Variants in NPAS3 observed in about 807,000 individuals in gnomAD.
NPAS3 encodes neuronal PAS domain-containing protein 3.
In NPAS3, 14 loss-of-function variants were observed where a neutral mutation model predicts 73.1. That is an observed-to-expected ratio of 0.19 (90% CI 0.13 to 0.30). The LOEUF is 0.30. Among genes scored for constraint, NPAS3 ranks in the 10% least tolerant of loss-of-function variants. NPAS3 has a pLI of 1.00. For synonymous variants in NPAS3, 620 were observed against 541.5 expected (o/e 1.14, Z -2.01); for missense variants, 1,096 against 1,250.0 (o/e 0.88, Z 1.86).
chr14:33,410,011 G>C (rs1431168667), intron 4 of NPAS3, among the ~76,000 whole-genome samples: 1 of 152,100 alleles, frequency 6.6e-6, no homozygotes, highest in African/African-American at 2.4e-5. Context: ...CCTCTTTGTA[G>C]CTCTAACATT....
chr14:33,663,635 G>C (rs1294462530), intron 5 of NPAS3, among the ~76,000 whole-genome samples: 1 of 152,122 alleles, frequency 6.6e-6, no homozygotes, highest in Non-Finnish European at 1.5e-5. Flanking sequence ...GCTCCTCTTT[G>C]TACCTCTGGT....
Position 33,697,394 on chromosome 14 carries a change from T to C in NPAS3, c.733+21009T>C, listed in dbSNP as rs905760517. Among the ~76,000 whole-genome samples the C allele has an allele frequency of 3.9e-5, 6 of 152,332 alleles. No homozygotes were observed. The South Asian group carries it at 1.2e-3, about 32-fold the overall frequency. Reference sequence around the variant, plus strand: ...TGTTCTTGATTAGGATGATCACAAGTTAAGCTGAACCGGTTTTGAATGATT... The same window carrying C: ...TGTTCTTGATTAGGATGATCACAAGCTAAGCTGAACCGGTTTTGAATGATT... On this transcript the variant is annotated intron_variant, in intron 6 of 11. Coordinates refer to ENST00000356141, the Ensembl canonical transcript of NPAS3.
intron 4 of NPAS3, among the ~76,000 whole-genome samples, chr14:33,471,779 C>T (rs770561778): frequency 3.9e-5 from 6 of 152,194 alleles, no homozygotes; most frequent in African/African-American, 4.8e-5. Flanking sequence ...GGTACTGGTC[C>T]GTGACCCATT....
At chr14:33,583,695 A>G (rs80113251) in intron 5 of NPAS3, among the ~76,000 whole-genome samples, 3,834 of 152,304 alleles carry the variant, frequency 0.025, 163 homozygotes, top group African/African-American at 0.087. Context: ...AAACTTAAAG[A>G]TTTTAAAGAG....
chr14:33,705,462 C>T (rs998559821), intron 6 of NPAS3, among the ~76,000 whole-genome samples: 11 of 152,318 alleles, frequency 7.2e-5, no homozygotes, highest in African/African-American at 2.6e-4. Context: ...TGAATTTATC[C>T]TTTCCGCATT....
chr14:33,533,762 C>T (rs369366845), intron 4 of NPAS3, among the ~76,000 whole-genome samples: 13 of 151,986 alleles, frequency 8.6e-5, no homozygotes, highest in African/African-American at 2.9e-4. Context: ...TATGTGGTGA[C>T]GTGAAAAGAG....
chr14:33,606,216 T>TC (rs1287487633), intron 5 of NPAS3, among the ~76,000 whole-genome samples: 4 of 73,742 alleles, frequency 5.4e-5, no homozygotes, highest in Admixed American at 1.7e-4. Flanking sequence ...AAGCTATCCC[T>TC]CCCCCCCTCC....
At chr14:33,780,182 G>A (rs1161380869) in intron 9 of NPAS3, among the ~76,000 whole-genome samples, 4 of 152,204 alleles carry the variant, frequency 2.6e-5, no homozygotes, top group East Asian at 1.9e-4. Context: ...CTCCCAACAC[G>A]GAGTGTGTGT....
chr14:33,367,833 GA>G (rs1315302694), intron 4 of NPAS3, among the ~76,000 whole-genome samples: 1 of 152,100 alleles, frequency 6.6e-6, no homozygotes, highest in Admixed American at 6.6e-5. Flanking sequence ...TGAACTTCAT[GA>G]AAAATAAATG....
chr14:33,627,166 C>A (rs2058245464), intron 5 of NPAS3, among the ~76,000 whole-genome samples: 1 of 152,020 alleles, frequency 6.6e-6, no homozygotes, highest in African/African-American at 2.4e-5. Flanking sequence ...CAATAAGATC[C>A]ATGGGAATCC....
intron 3 of NPAS3, among the ~76,000 whole-genome samples, chr14:33,308,148 C>G (rs2042833860): frequency 6.6e-6 from 1 of 152,104 alleles, no homozygotes; most frequent in South Asian, 2.1e-4. Flanking sequence ...ACCAGTGCCT[C>G]TCTCCCGCTG....
At chr14:33,548,335 T>G (rs191910030) in intron 4 of NPAS3, among the ~76,000 whole-genome samples, 5 of 152,352 alleles carry the variant, frequency 3.3e-5, no homozygotes, top group Admixed American at 2.0e-4. Flanking sequence ...TAAATTATTT[T>G]TGTTCTAACA....
At chr14:33,650,380 A>G (rs140782922) in intron 5 of NPAS3, among the ~76,000 whole-genome samples, 126 of 152,284 alleles carry the variant, frequency 8.3e-4, no homozygotes, top group East Asian at 1.7e-3. Context: ...CCCAGATGTA[A>G]ATCAGCCTTT....
chr14:33,114,819 G>T (rs1483886222), intron 2 of NPAS3, among the ~76,000 whole-genome samples: 1 of 152,114 alleles, frequency 6.6e-6, no homozygotes, highest in Non-Finnish European at 1.5e-5. Context: ...TGTAAAAGAA[G>T]TCTCAACAAT....
At chr14:33,683,753 T>C (rs2060008031) in intron 6 of NPAS3, among the ~76,000 whole-genome samples, 1 of 152,228 alleles carries the variant, frequency 6.6e-6, no homozygotes, top group South Asian at 2.1e-4. Flanking sequence ...GGGAAAATAC[T>C]GGAAATATTG....
chr14:33,202,366 G>T (rs1320779681), intron 2 of NPAS3, among the ~76,000 whole-genome samples: 2 of 151,964 alleles, frequency 1.3e-5, no homozygotes, highest in Non-Finnish European at 2.9e-5. Flanking sequence ...TGGCACCACT[G>T]CACTCCAGCC....
chr14:33,330,387 C>T (rs754690489), intron 3 of NPAS3, among the ~76,000 whole-genome samples: 8 of 152,266 alleles, frequency 5.3e-5, no homozygotes, highest in Admixed American at 5.2e-4. Context: ...CATTTTAGTG[C>T]ACTTCCTGTG....
At chr14:32,952,479 T>C (rs928413892) in intron 1 of NPAS3, among the ~76,000 whole-genome samples, 5 of 152,050 alleles carry the variant, frequency 3.3e-5, no homozygotes, top group African/African-American at 4.8e-5. Flanking sequence ...TAATAGAACA[T>C]GAAAAACCTT....
intron 5 of NPAS3, among the ~76,000 whole-genome samples, chr14:33,622,727 T>C (rs2058111620): frequency 6.6e-6 from 1 of 152,196 alleles, no homozygotes; most frequent in African/African-American, 2.4e-5. Context: ...TTATACAAAC[T>C]TCATCAAATT....
Sources: gnomAD v4.1 joint callset for allele counts (sites outside exome capture counted in the v4.1 genomes callset) on GRCh38, gnomAD v4.1.1 for gene constraint, MANE v1.5 for transcripts, NCBI Gene and HGNC (gene_info 2026-07-23, HGNC 2026-07-21) for gene names.